The following ATP2B2 variants were observed in gnomAD, a reference collection of about 807,000 sequenced individuals.
ATP2B2 encodes ATPase plasma membrane Ca2+ transporting 2.
ATP2B2 carries 15 observed loss-of-function variants against 120.0 expected under a neutral mutation model. The observed-to-expected ratio is 0.12, with a 90% confidence interval of 0.08 to 0.19. The LOEUF is 0.19. Ranked by LOEUF, ATP2B2 falls within the 10% of genes least tolerant of loss-of-function variation. The probability of loss-of-function intolerance (pLI) is 1.00; values close to 1 mark genes in which losing one functional copy is unlikely to be tolerated. For synonymous variants in ATP2B2, 694 were observed against 700.3 expected (o/e 0.99, Z 0.14); for missense variants, 1,045 against 1,719.8 (o/e 0.61, Z 6.94).
At chr3:10,454,006 A>G (rs2064163121) in intron 1 of ATP2B2, among the ~76,000 whole-genome samples, 1 of 149,256 alleles carries the variant, frequency 6.7e-6, no homozygotes, top group Non-Finnish European at 1.5e-5. Flanking sequence ...CCATTCATCC[A>G]CCCACCCACC....
At chr3:10,521,271 G>T (rs888103775) in intron 3 of ATP2B2, among the ~76,000 whole-genome samples, 1 of 152,180 alleles carries the variant, frequency 6.6e-6, no homozygotes, top group African/African-American at 2.4e-5. Context: ...TACCACTCAA[G>T]AATTTAGCCT....
intron 22 of ATP2B2, among the ~76,000 whole-genome samples, chr3:10,334,707 T>C (rs183072475): frequency 6.6e-6 from 1 of 152,344 alleles, no homozygotes; most frequent in African/African-American, 2.4e-5. Flanking sequence ...CCTGCCGCTA[T>C]GGGTCGTGGA....
At chr3:10,334,577 C>T (rs2060066668) in intron 22 of ATP2B2, among the ~76,000 whole-genome samples, 1 of 152,176 alleles carries the variant, frequency 6.6e-6, no homozygotes, top group South Asian at 2.1e-4. Flanking sequence ...AAATGTGACT[C>T]AGCCACCATC....
At position 10,343,117 on chromosome 3, in the gene ATP2B2, G is replaced by A. The variant is rs538558869; in HGVS notation, c.2704-152C>T. ...CCCAGCAGGCATGGAGTTGTTCTCTGATGCCTTCTCTGGAGAACAGTGCAG... is the reference window on the plus strand; with the variant it reads ...CCCAGCAGGCATGGAGTTGTTCTCTAATGCCTTCTCTGGAGAACAGTGCAG... On this transcript the variant is annotated intron_variant, in intron 18 of 22. Transcript: ENST00000360273. The surrounding 1 kb of genome is among the most constrained non-coding windows in gnomAD (Gnocchi z 4.2). 1 of 757,002 alleles carries A rather than the reference G, an allele frequency of 1.3e-6. No individual in the cohort carries two copies. Among genetic ancestry groups the A allele is most frequent in the East Asian group, 2.7e-5 (1 of 37,406 alleles). The allele number at this position is 757,002 out of a possible 1,614,324, so 46.9% of individuals were successfully genotyped here.
chr3:10,612,312 C>T (rs2069261935), intron 2 of ATP2B2, among the ~76,000 whole-genome samples: 1 of 152,358 alleles, frequency 6.6e-6, no homozygotes. Flanking sequence ...CCAGAAGCAA[C>T]TCAGCTCAAG....
At chr3:10,419,119 C>T (rs555398433) in intron 2 of ATP2B2, among the ~76,000 whole-genome samples, 3 of 152,346 alleles carry the variant, frequency 2.0e-5, no homozygotes, top group South Asian at 4.1e-4. Flanking sequence ...AAATGTGCAC[C>T]AGCACACAGC....
chr3:10,328,581 G>T lies in ATP2B2; in HGVS notation c.*233C>A. The T allele has an allele frequency of 5.4e-6, 3 of 560,442 alleles. No homozygotes were observed. Among genetic ancestry groups the T allele is most frequent in the Admixed American group, 3.3e-5 (1 of 30,236 alleles). 34.7% of individuals were successfully genotyped at this position (560,442 alleles called of 1,614,324 possible). A position where few individuals can be genotyped will look rare whatever the true frequency, so the allele number is the denominator to read the frequency against. On this transcript the variant is annotated 3_prime_UTR_variant, in exon 23 of 23. Coordinates refer to ENST00000360273, the MANE Select transcript of ATP2B2 (RefSeq NM_001001331.4). ...TGTTTTGGGAAAACCGCTCACTCCC[G>T]TAAGCCCCCAGTGGAGATCCCGCCC...
intron 1 of ATP2B2, among the ~76,000 whole-genome samples, chr3:10,497,177 T>C (rs2066186620): frequency 6.6e-6 from 1 of 152,244 alleles, no homozygotes; most frequent in Non-Finnish European, 1.5e-5. Context: ...AATTACCCTG[T>C]GGATCCCTGA....
At chr3:10,474,322 G>A (rs1489302485) in intron 1 of ATP2B2, among the ~76,000 whole-genome samples, 1 of 152,224 alleles carries the variant, frequency 6.6e-6, no homozygotes, top group Non-Finnish European at 1.5e-5. Flanking sequence ...AGACGTCCAA[G>A]TAGAGATGCC....
intron 1 of ATP2B2, among the ~76,000 whole-genome samples, chr3:10,704,043 C>T (rs146211288): frequency 4.6e-5 from 7 of 152,276 alleles, no homozygotes; most frequent in South Asian, 4.1e-4. Context: ...AAGGCTCTTA[C>T]CCCATCTTCC....
At chr3:10,356,318 C>T (rs894216751) in intron 14 of ATP2B2, among the ~76,000 whole-genome samples, 16 of 151,956 alleles carry the variant, frequency 1.1e-4, no homozygotes, top group Non-Finnish European at 1.5e-4. Flanking sequence ...GGGGTTTGTG[C>T]GGGAAGGTGT....
At chr3:10,472,677 C>G (rs1157261716) in intron 1 of ATP2B2, among the ~76,000 whole-genome samples, 1 of 152,168 alleles carries the variant, frequency 6.6e-6, no homozygotes, top group African/African-American at 2.4e-5. Flanking sequence ...TAATTCTCTG[C>G]CTGGTTTCTA....
intron 2 of ATP2B2, among the ~76,000 whole-genome samples, chr3:10,585,506 A>AAAAAAAAAAC (rs2068489318): frequency 6.7e-6 from 1 of 149,350 alleles, no homozygotes; most frequent in Non-Finnish European, 1.5e-5. Flanking sequence ...AAAAAAAAAA[A>AAAAAAAAAAC]AAAAAAAAAA....
chr3:10,523,733 G>A (rs1341969638), intron 3 of ATP2B2, among the ~76,000 whole-genome samples: 5 of 152,204 alleles, frequency 3.3e-5, no homozygotes, highest in African/African-American at 1.2e-4. Context: ...CGGGGATCCT[G>A]GATGTGGCTG....
intron 1 of ATP2B2, among the ~76,000 whole-genome samples, chr3:10,686,050 T>C (rs1371812430): frequency 2.7e-5 from 4 of 146,492 alleles, no homozygotes; most frequent in Non-Finnish European, 4.5e-5. Flanking sequence ...TTTCTTTTTT[T>C]TTTTTTTTTT....
chr3:10,599,336 C>A (rs2068844142), intron 2 of ATP2B2, among the ~76,000 whole-genome samples: 1 of 152,192 alleles, frequency 6.6e-6, no homozygotes, highest in Non-Finnish European at 1.5e-5. Context: ...CCCTCCTGAG[C>A]ACTCCACCTT....
intron 1 of ATP2B2, among the ~76,000 whole-genome samples, chr3:10,479,398 C>G: frequency 6.6e-6 from 1 of 151,940 alleles, no homozygotes; most frequent in Middle Eastern, 3.4e-3. Context: ...CCTATCATCA[C>G]CTAGTAAACT....
At chr3:10,525,030 TCAGAA>T (rs765750789) in intron 3 of ATP2B2, among the ~76,000 whole-genome samples, 3 of 152,136 alleles carry the variant, frequency 2.0e-5, no homozygotes, top group Non-Finnish European at 2.9e-5. Context: ...CATCCTGCTC[TCAGAA>T]CAGGAGCTAC....
At chr3:10,477,550 C>G (rs1233238701) in intron 1 of ATP2B2, among the ~76,000 whole-genome samples, 3 of 152,202 alleles carry the variant, frequency 2.0e-5, no homozygotes, top group Non-Finnish European at 2.9e-5. Context: ...CACCAACTCC[C>G]TTTTCCTTTC....
Sources: allele counts gnomAD v4.1 joint callset (sites outside exome capture counted in the v4.1 genomes callset), GRCh38; gene constraint gnomAD v4.1.1; non-coding constraint Gnocchi (gnomAD v3.1); transcripts MANE v1.5; gene names NCBI Gene and HGNC (gene_info 2026-07-23, HGNC 2026-07-21).